Variants in KCNIP4 observed in about 807,000 individuals in gnomAD.
KCNIP4 encodes the protein Kv channel-interacting protein 4.
A neutral mutation model predicts 34.0 loss-of-function variants in KCNIP4; 12 were observed. The observed-to-expected ratio is 0.35, with a 90% CI of 0.23 to 0.57. The LOEUF is 0.57. Ranked by LOEUF, KCNIP4 falls within the 20% of genes least tolerant of loss-of-function variation. The pLI, the probability that KCNIP4 is intolerant of heterozygous loss-of-function variation, is 0.83. For synonymous variants in KCNIP4, 124 were observed against 102.2 expected, an observed-to-expected ratio of 1.21 and a Z score of -1.29; for missense variants, 238 against 311.7, an observed-to-expected ratio of 0.76 and a Z score of 1.78.
chr4:21,288,783 G>A (rs972935891), intron 1 of KCNIP4, among the ~76,000 whole-genome samples: 2 of 152,054 alleles, frequency 1.3e-5, no homozygotes, highest in East Asian at 3.9e-4. Flanking sequence ...CTCTTTGCTG[G>A]CAACTGCACC....
chr4:21,051,436 T>C (rs1462147768), intron 1 of KCNIP4, among the ~76,000 whole-genome samples: 1 of 152,228 alleles, frequency 6.6e-6, no homozygotes, highest in African/African-American at 2.4e-5. Flanking sequence ...AAGCAGTAAT[T>C]AATTTTCCCT....
At chr4:20,856,349 T>A (rs1721567467) in intron 2 of KCNIP4, among the ~76,000 whole-genome samples, 1 of 152,236 alleles carries the variant, frequency 6.6e-6, no homozygotes, top group Admixed American at 6.5e-5. Flanking sequence ...AAAATGTATA[T>A]ATCTTTCATG....
chr4:21,765,486 G>A (rs987384354), intron 1 of KCNIP4, among the ~76,000 whole-genome samples: 9 of 152,124 alleles, frequency 5.9e-5, no homozygotes, highest in African/African-American at 2.2e-4. Context: ...CTCCCTGGGG[G>A]AAAAGTGGTC....
chr4:20,741,700 G>A (rs1751153502), intron 5 of KCNIP4, among the ~76,000 whole-genome samples: 1 of 152,046 alleles, frequency 6.6e-6, no homozygotes, highest in African/African-American at 2.4e-5. Flanking sequence ...GCTAGCAGAA[G>A]GCAAGAAATA....
chr4:20,956,585 A>T (rs1733330124), intron 1 of KCNIP4, among the ~76,000 whole-genome samples: 1 of 152,188 alleles, frequency 6.6e-6, no homozygotes, highest in Admixed American at 6.5e-5. Flanking sequence ...ATTTAAGGTG[A>T]TGTTCAAAAA....
intron 1 of KCNIP4, among the ~76,000 whole-genome samples, chr4:21,148,778 A>C (rs907222337): frequency 6.6e-6 from 1 of 152,020 alleles, no homozygotes; most frequent in African/African-American, 2.4e-5. Flanking sequence ...ACTGAAAAGG[A>C]CAGCACAATT....
At chr4:21,170,580 C>T (rs1753952468) in intron 1 of KCNIP4, among the ~76,000 whole-genome samples, 1 of 151,904 alleles carries the variant, frequency 6.6e-6, no homozygotes, top group Admixed American at 6.6e-5. Context: ...AACAAAGAGG[C>T]CAAAACAAGC....
chr4:20,999,899 C>T (rs189793821), intron 1 of KCNIP4, among the ~76,000 whole-genome samples: 27 of 152,226 alleles, frequency 1.8e-4, no homozygotes, highest in African/African-American at 5.8e-4. Context: ...AGAACATGCA[C>T]GTTGCAACTT....
intron 1 of KCNIP4, among the ~76,000 whole-genome samples, chr4:21,692,788 T>TG (rs1193426798): frequency 6.6e-6 from 1 of 150,494 alleles, no homozygotes; most frequent in Non-Finnish European, 1.5e-5. Flanking sequence ...GACTGCCACA[T>TG]GTCAGGGCCA....
intron 1 of KCNIP4, among the ~76,000 whole-genome samples, chr4:21,573,790 A>G (rs1400308459): frequency 6.6e-6 from 1 of 152,188 alleles, no homozygotes; most frequent in Non-Finnish European, 1.5e-5. Flanking sequence ...TCCAATGATT[A>G]TCAGCCAGGT....
chr4:20,821,188 G>A (rs1227533753), intron 3 of KCNIP4, among the ~76,000 whole-genome samples: 2 of 152,238 alleles, frequency 1.3e-5, no homozygotes, highest in African/African-American at 4.8e-5. Context: ...AGTATGTCAA[G>A]AAGGCAGGAC....
At chr4:21,284,085 C>T (rs539314297) in intron 1 of KCNIP4, among the ~76,000 whole-genome samples, 294 of 151,616 alleles carry the variant, frequency 1.9e-3, no homozygotes, top group African/African-American at 6.7e-3. Context: ...TGGTGGCGGG[C>T]GCCTGTAGTC....
rs528601249 is a variant in KCNIP4, at chr4:21,099,199, C to A, written c.62-216490G>T. Among the ~76,000 whole-genome samples, 3 of 152,212 alleles carry A rather than the reference C, an allele frequency of 2.0e-5. No homozygotes were observed. The South Asian group carries it at 6.2e-4, about 32-fold the overall frequency. ...TTAATTGCAGCACTATTCACAATAG[C>A]AAAGACATGAAATCAACCCAAATGT... On this transcript the variant is annotated intron_variant, in intron 1 of 8. Coordinates refer to ENST00000382152, the MANE Select transcript of KCNIP4 (RefSeq NM_025221.6).
At chr4:21,458,673 C>T (rs2109767497) in intron 1 of KCNIP4, among the ~76,000 whole-genome samples, 2 of 152,160 alleles carry the variant, frequency 1.3e-5, no homozygotes, top group Admixed American at 1.3e-4. Context: ...CTCAATGCTG[C>T]CTGGCTATCT....
intron 1 of KCNIP4, among the ~76,000 whole-genome samples, chr4:21,859,323 G>C (rs952339038): frequency 1.3e-5 from 2 of 151,948 alleles, no homozygotes; most frequent in Non-Finnish European, 2.9e-5. Context: ...CTTTCACCTG[G>C]CTTAACTGGC....
rs558806992 is a variant in KCNIP4 at position 21,371,175 on chromosome 4, A to G, written c.62-488466T>C. ...ATAGATGTTTGGACTTTGTGCTAGT[A>G]AAAATGAGGATCTTTAAGGGTTTTA... On this transcript the variant is annotated intron_variant, in intron 1 of 8. Transcript: ENST00000382152. Among the ~76,000 whole-genome samples the G allele has an allele frequency of 3.8e-3, 553 of 145,134 alleles. 5 individuals carry two copies. The highest frequency in any genetic ancestry group is 0.017 in the Middle Eastern group (5 of 294).
chr4:21,038,102 C>A (rs975364866), intron 1 of KCNIP4, among the ~76,000 whole-genome samples: 2 of 152,076 alleles, frequency 1.3e-5, no homozygotes, highest in African/African-American at 4.8e-5. Context: ...CTCAGCCTCC[C>A]GAGTAGCTGG....
rs768378664 is a variant in KCNIP4 at position 21,347,490 on chromosome 4, A to C, written c.62-464781T>G. On this transcript the variant is annotated intron_variant, in intron 1 of 8. Transcript: ENST00000382152. ...TGAACTCAGCCATACGGCTGTCAGC[A>C]GGGAAGTCTGAGAAATGTAGCTCCT... 5.9e-5 allele frequency among the ~76,000 whole-genome samples: 9 copies of C among 152,184 alleles called. 1 individual carries two copies. The highest frequency in any genetic ancestry group is 3.3e-4 in the Admixed American group (5 of 15,268).
intron 1 of KCNIP4, among the ~76,000 whole-genome samples, chr4:21,677,831 C>T (rs888407367): frequency 6.6e-6 from 1 of 152,124 alleles, no homozygotes; most frequent in Admixed American, 6.5e-5. Context: ...CTCACTGCAA[C>T]CTCCTCCTCC....
Sources: allele counts gnomAD v4.1 joint callset (sites outside exome capture counted in the v4.1 genomes callset), GRCh38; gene constraint gnomAD v4.1.1; transcripts MANE v1.5; gene names NCBI Gene and HGNC (gene_info 2026-07-23, HGNC 2026-07-21).